The following PLCB1 variants were observed in gnomAD, a reference collection of about 807,000 sequenced individuals.
PLCB1 encodes 1-phosphatidylinositol 4,5-bisphosphate phosphodiesterase beta-1.
A neutral mutation model predicts 161.8 loss-of-function variants in PLCB1; 46 were observed. The observed-to-expected ratio is 0.28, with a 90% CI of 0.22 to 0.36. The LOEUF (loss-of-function observed/expected upper bound fraction) is 0.36. Among genes scored for constraint, PLCB1 ranks in the 10% least tolerant of loss-of-function variants. The pLI is 1.00. For synonymous variants in PLCB1, 517 were observed against 503.7 expected, an observed-to-expected ratio of 1.03 and a Z score of -0.35; for missense variants, 1,016 against 1,472.5, an observed-to-expected ratio of 0.69 and a Z score of 5.07.
At chr20:8,728,851 A>G (rs1172793129) in intron 17 of PLCB1, among the ~76,000 whole-genome samples, 199 bp from the exon 18 acceptor site, 2 of 152,086 alleles carry the variant, frequency 1.3e-5, no homozygotes, top group African/African-American at 2.4e-5. Context: ...TTTTGCTATT[A>G]TGCATGAAGT....
chr20:8,743,285 T>C (rs74920808), intron 23 of PLCB1, among the ~76,000 whole-genome samples: 1 of 152,348 alleles, frequency 6.6e-6, no homozygotes, highest in South Asian at 2.1e-4. Context: ...TTTTATCAAA[T>C]GCTTTTTCAA....
In PLCB1 at chr20:8,334,209, C is replaced by CAA. The variant is rs202057583; in HGVS notation, c.178-37163_178-37162dup. ...GGGCAACAGGAGTGAAACTCCACCT[C>CAA]AAAAAAAAAAAGAAAGAAAAGAAAA... is the stretch of plus-strand genomic sequence containing the variant. On this transcript the variant is annotated intron_variant, in intron 2 of 31. Coordinates refer to ENST00000338037, the MANE Select transcript of PLCB1 (RefSeq NM_015192.4). Among the ~76,000 whole-genome samples the CAA allele has an allele frequency of 5.1e-5, 7 of 137,208 alleles. No individual in the cohort carries two copies. The East Asian group carries it at 6.2e-4, about 12-fold the overall frequency. The allele number at this position is 137,208 out of a possible 152,430, so 90.0% of individuals were successfully genotyped here.
intron 3 of PLCB1, among the ~76,000 whole-genome samples, chr20:8,409,874 T>A (rs1040135898): frequency 6.6e-6 from 1 of 151,850 alleles, no homozygotes; most frequent in South Asian, 2.1e-4. Flanking sequence ...TAAAGCAGAG[T>A]CACAGGAAAG....
At chr20:8,632,281 G>A (rs1331948555) in intron 4 of PLCB1, among the ~76,000 whole-genome samples, 1 of 151,848 alleles carries the variant, frequency 6.6e-6, no homozygotes, top group African/African-American at 2.4e-5. Context: ...CTGCCAAATG[G>A]ATATGAGCCT....
chr20:8,641,555 T>G (rs1425185781), intron 4 of PLCB1, among the ~76,000 whole-genome samples: 1 of 152,246 alleles, frequency 6.6e-6, no homozygotes, highest in Non-Finnish European at 1.5e-5. Flanking sequence ...CCATGTTTGC[T>G]ATACTCTCCC....
intron 3 of PLCB1, among the ~76,000 whole-genome samples, chr20:8,602,359 T>C (rs1376515773): frequency 2.6e-5 from 4 of 152,210 alleles, no homozygotes; most frequent in Non-Finnish European, 5.9e-5. Flanking sequence ...TTAATTAAAA[T>C]AGGCTTGCTG....
intron 8 of PLCB1, among the ~76,000 whole-genome samples, chr20:8,658,236 C>T (rs958788900): frequency 4.6e-5 from 7 of 152,088 alleles, no homozygotes; most frequent in African/African-American, 9.7e-5. Context: ...CCTCTGTGTT[C>T]GGTTTAGAGT....
chr20:8,624,569 T>C (rs2123206992), intron 3 of PLCB1, among the ~76,000 whole-genome samples: 1 of 152,318 alleles, frequency 6.6e-6, no homozygotes, highest in South Asian at 2.1e-4. Flanking sequence ...CTTCCATTAA[T>C]TTTGAATATT....
chr20:8,733,467 A>G, intron 19 of PLCB1, 75 bp downstream of exon 19: 1 of 1,293,822 alleles, frequency 7.7e-7, no homozygotes, highest in South Asian at 1.3e-5. Flanking sequence ...GAAGTGGCTT[A>G]GTCATTAAAA....
At chr20:8,633,601 A>T (rs1429351602) in intron 4 of PLCB1, among the ~76,000 whole-genome samples, 1 of 152,306 alleles carries the variant, frequency 6.6e-6, no homozygotes, top group East Asian at 1.9e-4. Context: ...ACAGAAGCTG[A>T]GAGGAGGCAG....
At chr20:8,311,994 TG>T (rs1466466309) in intron 2 of PLCB1, among the ~76,000 whole-genome samples, 1 of 152,200 alleles carries the variant, frequency 6.6e-6, no homozygotes, top group Non-Finnish European at 1.5e-5. Context: ...TCCCTCTCAC[TG>T]CTCAACCTCT....
intron 3 of PLCB1, among the ~76,000 whole-genome samples, chr20:8,452,244 A>C (rs887192903): frequency 5.3e-5 from 8 of 152,056 alleles, no homozygotes; most frequent in Admixed American, 3.9e-4. Context: ...ACTTTTTTTC[A>C]ATTTTAATTT....
At chr20:8,680,880 G>A (rs1042096571) in intron 9 of PLCB1, among the ~76,000 whole-genome samples, 2 of 151,154 alleles carry the variant, frequency 1.3e-5, no homozygotes, top group African/African-American at 4.9e-5. Context: ...AAAAGGTTAT[G>A]GTTTAATTGA....
At chr20:8,504,857 G>C (rs1600112282) in intron 3 of PLCB1, among the ~76,000 whole-genome samples, 1 of 152,126 alleles carries the variant, frequency 6.6e-6, no homozygotes, top group Non-Finnish European at 1.5e-5. Flanking sequence ...CTCTCTGGAA[G>C]GAAGATATTG....
chr20:8,634,772 T>C (rs1272348480), intron 4 of PLCB1, among the ~76,000 whole-genome samples: 1 of 152,216 alleles, frequency 6.6e-6, no homozygotes, highest in Non-Finnish European at 1.5e-5. Flanking sequence ...GCCAAGCACC[T>C]CGCTGGGCAC....
Position 8,224,616 on chromosome 20 carries a change from T to G in PLCB1, c.177+74245T>G, listed in dbSNP as rs1329346890. ...GCTTTAAAAAAAATTTTTAAAGAAC[T>G]TTTTGATGGTATTATAGCAAAGATA... On this transcript the variant is annotated intron_variant, in intron 2 of 31. Coordinates refer to ENST00000338037, the MANE Select transcript of PLCB1 (RefSeq NM_015192.4). 2.6e-5 allele frequency among the ~76,000 whole-genome samples: 4 copies of G among 152,294 alleles called. No individual in the cohort carries two copies. The South Asian group carries it at 6.2e-4, about 24-fold the overall frequency.
intron 31 of PLCB1, among the ~76,000 whole-genome samples, chr20:8,819,451 G>A (rs1254887506): frequency 1.3e-5 from 2 of 152,056 alleles, no homozygotes; most frequent in Non-Finnish European, 2.9e-5. Context: ...TTTGGGAAAA[G>A]GAAGGTTTTT....
intron 3 of PLCB1, among the ~76,000 whole-genome samples, chr20:8,501,099 C>T (rs1234679837): frequency 2.6e-5 from 4 of 152,178 alleles, no homozygotes; most frequent in Admixed American, 2.6e-4. Flanking sequence ...CTCATGCTGC[C>T]AGCTACACAA....
chr20:8,470,651 C>T (rs1170181363), intron 3 of PLCB1, among the ~76,000 whole-genome samples: 1 of 152,104 alleles, frequency 6.6e-6, no homozygotes, highest in African/African-American at 2.4e-5. Context: ...ATCAAGTGAT[C>T]CTCCCACCTC....
Sources: gnomAD v4.1 joint callset for allele counts (sites outside exome capture counted in the v4.1 genomes callset) on GRCh38, gnomAD v4.1.1 for gene constraint, MANE v1.5 for transcripts, NCBI Gene and HGNC (gene_info 2026-07-23, HGNC 2026-07-21) for gene names.